LTBP1: variants seen among roughly 807,000 people sequenced by gnomAD.
LTBP1 encodes latent-transforming growth factor beta-binding protein 1.
A neutral mutation model predicts 207.6 loss-of-function variants in LTBP1; 129 were observed. That is an observed-to-expected ratio of 0.62 (90% CI 0.54 to 0.72). The LOEUF is 0.72. LTBP1 is among the 30% of genes least tolerant of loss of function. The probability of loss-of-function intolerance (pLI) is 0.00; values close to 1 mark genes in which losing one functional copy is unlikely to be tolerated. For synonymous variants in LTBP1, 963 were observed against 833.7 expected (o/e 1.16, Z -2.67); for missense variants, 2,281 against 2,217.2 (o/e 1.03, Z -0.58).
At chr2:33,300,981 A>G (rs1311450994) in intron 21 of LTBP1, among the ~76,000 whole-genome samples, 1 of 152,168 alleles carries the variant, frequency 6.6e-6, no homozygotes, top group Non-Finnish European at 1.5e-5. Context: ...TTAACGTTGA[A>G]AAATTTTGTC....
chr2:33,162,504 G>A (rs557734612), intron 5 of LTBP1, among the ~76,000 whole-genome samples: 18 of 152,230 alleles, frequency 1.2e-4, no homozygotes, highest in African/African-American at 4.1e-4. Context: ...CAGAAACTTT[G>A]TTCTTGTCCT....
chr2:33,105,056 T>A (rs1306030277), intron 3 of LTBP1, among the ~76,000 whole-genome samples: 2 of 152,182 alleles, frequency 1.3e-5, no homozygotes, highest in Non-Finnish European at 2.9e-5. Flanking sequence ...CCTTCTCGAT[T>A]TATTCACTTT....
intron 4 of LTBP1, among the ~76,000 whole-genome samples, chr2:33,116,048 T>G (rs1316145711): frequency 6.6e-6 from 1 of 152,218 alleles, no homozygotes; most frequent in African/African-American, 2.4e-5. Flanking sequence ...AAGGACTTAC[T>G]AAGATAGATT....
chr2:33,020,938 G>C lies in LTBP1; in HGVS notation c.595G>C (p.Gly199Arg). Reference sequence around the variant, plus strand: ...CTGTGTTCCGCCATGTCAGAATGGAGGGATGTGTCTCCGGCCACAACTCTG... The same window carrying C: ...CTGTGTTCCGCCATGTCAGAATGGACGGATGTGTCTCCGGCCACAACTCTG... ...PSCVPPCQNG[G>R]MCLRPQLCVC... is the part of the protein sequence containing the mutation. Residue 199 changes from glycine to arginine, a missense_variant, in exon 3 of 34, where the codon GGG (glycine) becomes CGG (arginine). Physicochemically the swap from Gly to Arg is moderately radical, Grantham distance 125. Transcript: ENST00000404816. 2 of 1,595,052 alleles carry C rather than the reference G, an allele frequency of 1.3e-6. No individual in the cohort carries two copies. The highest frequency in any genetic ancestry group is 2.2e-5 in the South Asian group (2 of 89,144).
chr2:33,141,357 A>T (rs150931123), intron 5 of LTBP1, among the ~76,000 whole-genome samples: 143 of 152,310 alleles, frequency 9.4e-4, no homozygotes, highest in African/African-American at 3.3e-3. Context: ...TGGAGATTTG[A>T]TACAGAATAA....
At chr2:32,953,230 A>G (rs1342119870) in intron 2 of LTBP1, among the ~76,000 whole-genome samples, 1 of 152,208 alleles carries the variant, frequency 6.6e-6, no homozygotes, top group Non-Finnish European at 1.5e-5. Flanking sequence ...GGATGGCATC[A>G]TCCAGGAGGG....
At chr2:32,955,532 G>A (rs1255609591) in intron 2 of LTBP1, among the ~76,000 whole-genome samples, 1 of 151,886 alleles carries the variant, frequency 6.6e-6, no homozygotes, top group Admixed American at 6.6e-5. Flanking sequence ...ATATTTTTGC[G>A]AGAGCTGGAA....
chr2:33,190,350 G>A (rs933586394), intron 7 of LTBP1, among the ~76,000 whole-genome samples: 1 of 152,096 alleles, frequency 6.6e-6, no homozygotes, highest in African/African-American at 2.4e-5. Flanking sequence ...GTGTGTGTGT[G>A]TATATGCGCA....
intron 7 of LTBP1, among the ~76,000 whole-genome samples, chr2:33,216,667 A>T (rs1381014421): frequency 2.6e-5 from 4 of 152,182 alleles, no homozygotes; most frequent in African/African-American, 9.7e-5. Flanking sequence ...CAGGAGACAA[A>T]AATGTGGGGT....
At chr2:33,196,236 TG>T (rs1287265599) in intron 7 of LTBP1, among the ~76,000 whole-genome samples, 4 of 152,202 alleles carry the variant, frequency 2.6e-5, no homozygotes, top group African/African-American at 9.7e-5. Context: ...ACTTGACTCT[TG>T]AGCGGTTCAT....
intron 7 of LTBP1, among the ~76,000 whole-genome samples, chr2:33,196,201 G>A (rs960113909): frequency 5.3e-5 from 8 of 152,064 alleles, no homozygotes; most frequent in African/African-American, 1.9e-4. Flanking sequence ...TAGTTTCAGA[G>A]GTATTTTACA....
chr2:33,047,363 C>A (rs116420750), intron 3 of LTBP1, among the ~76,000 whole-genome samples: 1 of 152,220 alleles, frequency 6.6e-6, no homozygotes, highest in African/African-American at 2.4e-5. Context: ...GCCTTAATTT[C>A]GTTATGTACC....
intron 3 of LTBP1, among the ~76,000 whole-genome samples, chr2:33,051,455 A>G (rs2076739134): frequency 6.6e-6 from 1 of 152,170 alleles, no homozygotes; most frequent in Non-Finnish European, 1.5e-5. Flanking sequence ...ACAAAACTGT[A>G]GTCCTCTGCA....
At chr2:33,384,383 G>T (rs189206644) in intron 31 of LTBP1, among the ~76,000 whole-genome samples, 1 of 152,282 alleles carries the variant, frequency 6.6e-6, no homozygotes, top group East Asian at 1.9e-4. Context: ...CTTGGGGCAT[G>T]GGGAATGCAG....
chr2:33,033,076 G>T (rs1479925528), intron 3 of LTBP1, among the ~76,000 whole-genome samples: 2 of 152,172 alleles, frequency 1.3e-5, no homozygotes, highest in Non-Finnish European at 2.9e-5. Flanking sequence ...CAAAAGAAAT[G>T]ATTGGGACTT....
chr2:33,023,600 A>G (rs899008213), intron 3 of LTBP1, among the ~76,000 whole-genome samples: 3 of 152,162 alleles, frequency 2.0e-5, no homozygotes, highest in Middle Eastern at 3.2e-3. Flanking sequence ...AGTAAAGAGA[A>G]GAGATGAGAA....
chr2:33,357,274 A>G (rs138481793), intron 26 of LTBP1, among the ~76,000 whole-genome samples: 4 of 151,706 alleles, frequency 2.6e-5, no homozygotes, highest in African/African-American at 9.7e-5. Flanking sequence ...GCTCAAACCT[A>G]CTCCTTCCTA....
rs1009498572 is a variant in LTBP1 at position 33,386,826 on chromosome 2, CTTTTTTTTTTT to C, written c.4712-2346_4712-2336del. Among the ~76,000 whole-genome samples the C allele has an allele frequency of 1.3e-4, 15 of 119,344 alleles. 1 individual carries two copies. The highest frequency in any genetic ancestry group is 4.3e-4 in the Admixed American group (5 of 11,562). The allele number at this position is 119,344 out of a possible 152,430, so 78.3% of individuals were successfully genotyped here. ...CCAGCATGGGTGGCAGAGCAAGACC[CTTTTTTTTTTT>C]TTTTTTTTTTTGAGACGGAGTCTCG... On this transcript the variant is annotated intron_variant, in intron 31 of 33. Coordinates refer to ENST00000404816, the MANE Select transcript of LTBP1 (RefSeq NM_206943.4).
chr2:33,382,968 CTCTTCCACCTT>C (rs931508764), intron 31 of LTBP1, among the ~76,000 whole-genome samples: 1 of 152,228 alleles, frequency 6.6e-6, no homozygotes, highest in African/African-American at 2.4e-5. Flanking sequence ...AAGGAGGTCT[CTCTTCCACCTT>C]TCTTTACTGG....
Sources: allele counts gnomAD v4.1 joint callset (sites outside exome capture counted in the v4.1 genomes callset), GRCh38; gene constraint gnomAD v4.1.1; transcripts MANE v1.5; gene names NCBI Gene and HGNC (gene_info 2026-07-23, HGNC 2026-07-21).